The following KCNIP4 variants were observed in gnomAD, a reference collection of about 807,000 sequenced individuals.
KCNIP4 encodes potassium voltage-gated channel interacting protein 4.
A neutral mutation model predicts 34.0 loss-of-function variants in KCNIP4; 12 were observed. The ratio of observed to expected loss-of-function variants is 0.35; its 90% CI spans 0.23 to 0.57. The LOEUF (loss-of-function observed/expected upper bound fraction) is 0.57, where lower values mean the gene tolerates loss of function less well. KCNIP4 is among the 20% of genes least tolerant of loss of function. The probability of loss-of-function intolerance (pLI) is 0.83; values close to 1 mark genes in which losing one functional copy is unlikely to be tolerated. For missense variants in KCNIP4, 238 were observed against 311.7 expected (o/e 0.76, Z 1.78); for synonymous variants, 124 against 102.2 (o/e 1.21, Z -1.29).
At chr4:21,905,137 T>G (rs1294726625) in intron 1 of KCNIP4, among the ~76,000 whole-genome samples, 3 of 152,142 alleles carry the variant, frequency 2.0e-5, no homozygotes, top group African/African-American at 7.2e-5. Context: ...ATAAAATGAT[T>G]AGATACAATT....
intron 1 of KCNIP4, among the ~76,000 whole-genome samples, chr4:21,070,834 C>A (rs1474031984): frequency 6.6e-6 from 1 of 151,566 alleles, no homozygotes; most frequent in Non-Finnish European, 1.5e-5. Flanking sequence ...GGCTACCATG[C>A]ACGGCTAATT....
intron 1 of KCNIP4, among the ~76,000 whole-genome samples, chr4:21,574,418 T>C (rs1192843738): frequency 1.3e-5 from 2 of 152,016 alleles, no homozygotes; most frequent in African/African-American, 4.8e-5. Context: ...ATTGAGGTTT[T>C]TGTGGCCTTA....
intron 1 of KCNIP4, among the ~76,000 whole-genome samples, chr4:21,004,130 A>G (rs1284039704): frequency 4.6e-5 from 7 of 152,174 alleles, no homozygotes; most frequent in Non-Finnish European, 8.8e-5. Context: ...TTAAGGGGTG[A>G]GGAAAGGAGG....
At chr4:21,626,466 GAGA>G (rs1185927646) in intron 1 of KCNIP4, among the ~76,000 whole-genome samples, 2 of 151,752 alleles carry the variant, frequency 1.3e-5, no homozygotes, top group Admixed American at 1.3e-4. Flanking sequence ...TAGAAGGCAA[GAGA>G]AGAAGCTTCA....
At chr4:21,320,639 C>A (rs1374089255) in intron 1 of KCNIP4, among the ~76,000 whole-genome samples, 1 of 152,104 alleles carries the variant, frequency 6.6e-6, no homozygotes, top group Non-Finnish European at 1.5e-5. Flanking sequence ...CTTTGCTTGC[C>A]TGGCCCCAGT....
chr4:21,083,027 G>A (rs1179403714), intron 1 of KCNIP4, among the ~76,000 whole-genome samples: 1 of 151,798 alleles, frequency 6.6e-6, no homozygotes, highest in Non-Finnish European at 1.5e-5. Flanking sequence ...TAGTCAGTAA[G>A]TTGTTTAAGT....
chr4:20,880,553 A>G (rs1289769533), intron 2 of KCNIP4, among the ~76,000 whole-genome samples: 2 of 151,912 alleles, frequency 1.3e-5, no homozygotes, highest in Admixed American at 6.6e-5. Context: ...GTGAACATTT[A>G]TTTGGGGGCA....
intron 1 of KCNIP4, among the ~76,000 whole-genome samples, chr4:21,317,738 G>T (rs1560285003): frequency 6.6e-6 from 1 of 152,144 alleles, no homozygotes; most frequent in African/African-American, 2.4e-5. Flanking sequence ...TTGTGGGAGG[G>T]ACCCGGTGGG....
At chr4:21,751,181 A>G (rs1717127282) in intron 1 of KCNIP4, among the ~76,000 whole-genome samples, 1 of 152,178 alleles carries the variant, frequency 6.6e-6, no homozygotes, top group Non-Finnish European at 1.5e-5. Flanking sequence ...AATGACTTGA[A>G]TAAAAAGGAG....
At chr4:21,719,497 T>C (rs1312932785) in intron 1 of KCNIP4, among the ~76,000 whole-genome samples, 2 of 152,146 alleles carry the variant, frequency 1.3e-5, no homozygotes, top group East Asian at 1.9e-4. Context: ...TATGTTACCA[T>C]CTCAAGGGAG....
chr4:21,816,516 TTC>T (rs1195949822), intron 1 of KCNIP4, among the ~76,000 whole-genome samples: 2 of 152,150 alleles, frequency 1.3e-5, no homozygotes, highest in South Asian at 2.1e-4. Flanking sequence ...GCTTTAGCGT[TTC>T]AGACATCCTT....
chr4:20,764,389 GA>G (rs1272879062), intron 3 of KCNIP4, among the ~76,000 whole-genome samples: 1 of 151,820 alleles, frequency 6.6e-6, no homozygotes, highest in Admixed American at 6.6e-5. Flanking sequence ...TGCATCCATT[GA>G]ACTTACCATA....
chr4:21,339,337 T>C (rs1026052742), intron 1 of KCNIP4, among the ~76,000 whole-genome samples: 1 of 152,194 alleles, frequency 6.6e-6, no homozygotes, highest in African/African-American at 2.4e-5. Context: ...ACACACGGTT[T>C]TAATTCATAG....
chr4:20,971,822 T>C (rs995872198), intron 1 of KCNIP4, among the ~76,000 whole-genome samples: 14 of 152,370 alleles, frequency 9.2e-5, no homozygotes, highest in African/African-American at 3.1e-4. Context: ...TAGCATATGA[T>C]GCTGTTGACA....
chr4:21,288,183 G>A (rs1470783024), intron 1 of KCNIP4, among the ~76,000 whole-genome samples: 1 of 152,162 alleles, frequency 6.6e-6, no homozygotes, highest in Non-Finnish European at 1.5e-5. Flanking sequence ...ACACACATCT[G>A]TATGAGGATT....
intron 1 of KCNIP4, among the ~76,000 whole-genome samples, chr4:21,585,318 C>A (rs1741529346): frequency 6.6e-6 from 1 of 151,938 alleles, no homozygotes. Flanking sequence ...CTTCAGATCC[C>A]CAGATCCTAC....
At chr4:21,791,838 C>G (rs954614936) in intron 1 of KCNIP4, among the ~76,000 whole-genome samples, 1 of 151,852 alleles carries the variant, frequency 6.6e-6, no homozygotes, top group African/African-American at 2.4e-5. Flanking sequence ...CCCTTCTCTA[C>G]TAAAAATACA....
chr4:21,579,469 AT>A (rs1311985372), intron 1 of KCNIP4, among the ~76,000 whole-genome samples: 1 of 152,146 alleles, frequency 6.6e-6, no homozygotes, highest in Non-Finnish European at 1.5e-5. Flanking sequence ...ATTTATTTAT[AT>A]CTTATTTGTA....
At chr4:21,680,660 G>A (rs1183424980) in intron 1 of KCNIP4, among the ~76,000 whole-genome samples, 1 of 152,252 alleles carries the variant, frequency 6.6e-6, no homozygotes, top group African/African-American at 2.4e-5. Context: ...AATGGATGTT[G>A]TGTTAGCAGG....
Sources: allele counts gnomAD v4.1 joint callset (sites outside exome capture counted in the v4.1 genomes callset), GRCh38; gene constraint gnomAD v4.1.1; transcripts MANE v1.5; gene names NCBI Gene and HGNC (gene_info 2026-07-23, HGNC 2026-07-21).